ADGRA1: variants seen among roughly 807,000 people sequenced by gnomAD.
ADGRA1 encodes the protein G-protein coupled receptor 123.
Under a neutral mutation model 21.3 loss-of-function variants are expected in ADGRA1, and 12 were observed. The observed-to-expected ratio is 0.56, with a 90% CI of 0.36 to 0.91. The LOEUF (loss-of-function observed/expected upper bound fraction) is 0.91, where lower values mean the gene tolerates loss of function less well. ADGRA1 is among the 40% of genes least tolerant of loss of function. ADGRA1 has a pLI of 0.01. For missense variants in ADGRA1, 790 were observed against 805.6 expected, an observed-to-expected ratio of 0.98 and a Z score of 0.23; for synonymous variants, 385 against 368.8, an observed-to-expected ratio of 1.04 and a Z score of -0.50.
intron 5 of ADGRA1, among the ~76,000 whole-genome samples, chr10:133,119,651 T>C (rs893001981): frequency 6.6e-6 from 1 of 152,244 alleles, no homozygotes; most frequent in African/African-American, 2.4e-5. Flanking sequence ...AACCACTTTT[T>C]TGCTCATCCA....
Position 133,088,154 on chromosome 10 carries a change from G to C in ADGRA1, c.-203+16G>C, listed in dbSNP as rs1481915488. ...GCCACAGCAGGTGGGAAGGACGCGC[G>C]GGTCTGGGCGGCGGGAGGGACGCGC... On this transcript the variant is annotated intron_variant, in intron 1 of 6. Transcript: ENST00000392607. The C allele has an allele frequency of 2.1e-6, 2 of 974,238 alleles. No individual in the cohort carries two copies. Among genetic ancestry groups the C allele is most frequent in the Non-Finnish European group, 2.4e-6 (2 of 819,962 alleles). 60.3% of individuals were successfully genotyped at this position (974,238 alleles called of 1,614,324 possible).
intron 5 of ADGRA1, among the ~76,000 whole-genome samples, chr10:133,122,856 C>T (rs1214224643): frequency 6.7e-6 from 1 of 148,832 alleles, no homozygotes; most frequent in Non-Finnish European, 1.5e-5. Context: ...TCCCCAGGCA[C>T]ACGCGTCCCC....
chr10:133,129,199 C>T lies in ADGRA1; in HGVS notation c.1371C>T (p.Pro457=). The T allele has an allele frequency of 6.4e-7, 1 of 1,550,396 alleles. No homozygotes were observed. Among genetic ancestry groups the T allele is most frequent in the South Asian group, 1.2e-5 (1 of 84,102 alleles). The part of the protein sequence containing the change: ...SPRSSRTDSP[P]SSLDGPAGTH... ...GCAGCTCGCGCACAGACAGCCCCCC[C>T]AGCTCTCTGGATGGCCCGGCGGGGA... Residue 457 remains proline (P), a synonymous_variant, in exon 7 of 7, where the codon CCC becomes CCT. Coordinates refer to ENST00000392607, the MANE Select transcript of ADGRA1 (RefSeq NM_001083909.3).
chr10:133,108,672 C>T (rs993743989), intron 5 of ADGRA1, among the ~76,000 whole-genome samples: 1 of 152,156 alleles, frequency 6.6e-6, no homozygotes, highest in Non-Finnish European at 1.5e-5. Flanking sequence ...TGCCAGTCCA[C>T]AAAACACCAT....
At chr10:133,112,751 C>CGTCGGTTATTTGGGGTCTGTAAGCTAT (rs1162929957) in intron 5 of ADGRA1, among the ~76,000 whole-genome samples, 9 of 61,422 alleles carry the variant, frequency 1.5e-4, no homozygotes, top group Non-Finnish European at 2.7e-4. Context: ...CTGCGGGCCG[C>CGTCGGTTATTTGGGGTCTGTAAGCTAT]GTCGGTTATT....
At chr10:133,127,778 T>G (rs182681511) in intron 6 of ADGRA1, among the ~76,000 whole-genome samples, 6,029 of 15,740 alleles carry the variant, frequency 0.38, 306 homozygotes, top group African/African-American at 0.43. Context: ...CCCACCCAGC[T>G]CCACCTCCGC....
chr10:133,103,577 G>C (rs562932681), intron 5 of ADGRA1, among the ~76,000 whole-genome samples: 6 of 152,360 alleles, frequency 3.9e-5, no homozygotes, highest in Non-Finnish European at 8.8e-5. Context: ...GCCTGCCTAG[G>C]GGGGCGGACA....
At chr10:133,111,525 C>G (rs1852006038) in intron 5 of ADGRA1, among the ~76,000 whole-genome samples, 1 of 61,512 alleles carries the variant, frequency 1.6e-5, no homozygotes, top group Non-Finnish European at 2.8e-5. Context: ...ACACCTCCCT[C>G]CTAATCCCAC....
At chr10:133,105,327 C>T (rs1851873977) in intron 5 of ADGRA1, among the ~76,000 whole-genome samples, 1 of 152,188 alleles carries the variant, frequency 6.6e-6, no homozygotes, top group Non-Finnish European at 1.5e-5. Context: ...AGCCGCCGTG[C>T]ATGAAGGAGC....
chr10:133,099,223 T>G (rs1372976142), intron 4 of ADGRA1, among the ~76,000 whole-genome samples: 1 of 142,496 alleles, frequency 7.0e-6, no homozygotes, highest in Non-Finnish European at 1.6e-5. Context: ...AGACCACCCC[T>G]CCAGGAGAAA....
chr10:133,111,173 C>CCCACCA (rs1851987971), intron 5 of ADGRA1, among the ~76,000 whole-genome samples: 13 of 139,766 alleles, frequency 9.3e-5, no homozygotes, highest in African/African-American at 2.8e-4. Context: ...CACCTGCCCG[C>CCCACCA]CGTGAGCACC....
intron 3 of ADGRA1, among the ~76,000 whole-genome samples, chr10:133,097,711 C>T (rs551812642): frequency 2.0e-5 from 3 of 152,202 alleles, no homozygotes; most frequent in Non-Finnish European, 2.9e-5. Flanking sequence ...CAGCAGAACA[C>T]GGGGGCCTCG....
rs536639301 is a variant in ADGRA1 at position 133,121,773 on chromosome 10, AGT to A, written c.402-5456_402-5455del. On this transcript the variant is annotated intron_variant, in intron 5 of 6. Coordinates refer to ENST00000392607, the MANE Select transcript of ADGRA1 (RefSeq NM_001083909.3). ...GCCAGTGTGCGTGTGTGCAAGTGTG[AGT>A]GTGCGTGTCGTGTGCCAGTGTGTGT... Among the ~76,000 whole-genome samples, 36 of 94,180 alleles carry A rather than the reference AGT, an allele frequency of 3.8e-4. No homozygotes were observed. The East Asian group carries it at 9.4e-3, about 25-fold the overall frequency. 61.8% of individuals were successfully genotyped at this position (94,180 alleles called of 152,430 possible).
chr10:133,113,688 A>C (rs733503), intron 5 of ADGRA1, among the ~76,000 whole-genome samples: 5,030 of 142,154 alleles, frequency 0.035, 192 homozygotes, highest in African/African-American at 0.1. Context: ...GTCACAGGCG[A>C]GCAAGCGACC....
intron 5 of ADGRA1, among the ~76,000 whole-genome samples, chr10:133,110,890 C>T (rs1390786503): frequency 6.6e-6 from 1 of 152,162 alleles, no homozygotes; most frequent in Non-Finnish European, 1.5e-5. Context: ...TGCATGGGGC[C>T]CTGGACACAG....
intron 5 of ADGRA1, among the ~76,000 whole-genome samples, chr10:133,105,657 G>A (rs114360439): frequency 1.4e-3 from 213 of 152,312 alleles, no homozygotes; most frequent in African/African-American, 4.6e-3. Flanking sequence ...GCCCCACCTC[G>A]GCTGGGGACC....
intron 5 of ADGRA1, among the ~76,000 whole-genome samples, chr10:133,122,229 C>T (rs1475944249): frequency 2.0e-5 from 3 of 152,238 alleles, no homozygotes; most frequent in African/African-American, 7.2e-5. Context: ...CCTTTTCGCT[C>T]AGGCTGTGAT....
At chr10:133,088,975 C>A in intron 2 of ADGRA1, 63 bp downstream of exon 2, 1 of 1,235,194 alleles carries the variant, frequency 8.1e-7, no homozygotes, top group Non-Finnish European at 1.0e-6. Context: ...GGGGCGGCCA[C>A]CCGTATGGGG....
chr10:133,099,518 G>C (rs568741451), intron 4 of ADGRA1, among the ~76,000 whole-genome samples: 2 of 152,146 alleles, frequency 1.3e-5, no homozygotes. Context: ...CACACAGAAG[G>C]GCTCCTCACA....
Sources: allele counts gnomAD v4.1 joint callset (sites outside exome capture counted in the v4.1 genomes callset), GRCh38; gene constraint gnomAD v4.1.1; transcripts MANE v1.5; gene names NCBI Gene and HGNC (gene_info 2026-07-23, HGNC 2026-07-21).